Variants in LOC128462377 observed in about 807,000 individuals in gnomAD.
At chr16:89,321,577 C>CGG in the LOC128462377 span, among the ~76,000 whole-genome samples, 1 of 152,020 alleles carries the variant, frequency 6.6e-6, no homozygotes, top group Non-Finnish European at 1.5e-5. Context: ...TGGAGACTCA[C>CGG]GGGTCCCCTC....
the LOC128462377 span, among the ~76,000 whole-genome samples, chr16:89,317,968 G>A: frequency 5.3e-5 from 8 of 152,118 alleles, no homozygotes; most frequent in African/African-American, 9.7e-5. Context: ...ACTAGAAAGT[G>A]TCCCTACAGC....
chr16:89,322,790 C>T, the LOC128462377 span, among the ~76,000 whole-genome samples: 1 of 152,108 alleles, frequency 6.6e-6, no homozygotes. Flanking sequence ...TGAGGTGTGG[C>T]CTGCCTGCAG....
chr16:89,337,978 G>A, the LOC128462377 span, among the ~76,000 whole-genome samples: 54 of 152,308 alleles, frequency 3.5e-4, no homozygotes, highest in East Asian at 2.7e-3. Flanking sequence ...ACTGTCCCAC[G>A]GGTGACAAGC....
the LOC128462377 span, chr16:89,323,345 A>G: frequency 7.8e-7 from 1 of 1,288,602 alleles, no homozygotes; most frequent in Non-Finnish European, 1.0e-6. Flanking sequence ...TATGGAAGAG[A>G]AGCACCACTG....
At chr16:89,375,089 C>A in the LOC128462377 span, among the ~76,000 whole-genome samples, 1 of 151,954 alleles carries the variant, frequency 6.6e-6, no homozygotes, top group African/African-American at 2.4e-5. Flanking sequence ...CGTAAACAAA[C>A]GTAACGTCGC....
chr16:89,385,579 G>A, the LOC128462377 span, among the ~76,000 whole-genome samples: 1 of 152,064 alleles, frequency 6.6e-6, no homozygotes, highest in East Asian at 1.9e-4. Context: ...ACTCTACTGA[G>A]TGAGCAAGAA....
chr16:89,410,135 A>G, the LOC128462377 span, among the ~76,000 whole-genome samples: 1 of 152,170 alleles, frequency 6.6e-6, no homozygotes, highest in South Asian at 2.1e-4. Context: ...CACCGCGTCC[A>G]GCCTCAATCT....
chr16:89,356,865 C>A, the LOC128462377 span, among the ~76,000 whole-genome samples: 1 of 151,316 alleles, frequency 6.6e-6, no homozygotes, highest in African/African-American at 2.4e-5. Flanking sequence ...ACATAATAAA[C>A]AACAAAAGCC....
chr16:89,375,768 T>A, the LOC128462377 span, among the ~76,000 whole-genome samples: 14 of 84,560 alleles, frequency 1.7e-4, no homozygotes, highest in African/African-American at 5.6e-4. Flanking sequence ...CTCCGTCTCT[T>A]AAAAAAAAAA....
chr16:89,324,594 G>A, the LOC128462377 span: 1 of 445,708 alleles, frequency 2.2e-6, no homozygotes, highest in South Asian at 1.6e-5. Context: ...GATCTCATCA[G>A]CTGCCAGCAC....
the LOC128462377 span, among the ~76,000 whole-genome samples, chr16:89,406,130 C>A: frequency 3.5e-5 from 5 of 144,312 alleles, no homozygotes; most frequent in Non-Finnish European, 7.5e-5. Flanking sequence ...AAAAAAAAAA[C>A]CTTCAGCCAG....
At chr16:89,323,294 G>GTGA in the LOC128462377 span, 1 of 1,288,998 alleles carries the variant, frequency 7.8e-7, no homozygotes. Flanking sequence ...AAGCCCTTGA[G>GTGA]TGACACACCC....
At chr16:89,333,634 C>T in the LOC128462377 span, among the ~76,000 whole-genome samples, 2 of 152,136 alleles carry the variant, frequency 1.3e-5, no homozygotes, top group Non-Finnish European at 2.9e-5. Flanking sequence ...TCCTTGGAGA[C>T]GGGCTGCTTT....
the LOC128462377 span, among the ~76,000 whole-genome samples, chr16:89,348,975 A>T: frequency 6.6e-6 from 1 of 151,178 alleles, no homozygotes; most frequent in African/African-American, 2.4e-5. Context: ...TAAAAATACA[A>T]AAACTAGCCA....
chr16:89,337,471 C>T, the LOC128462377 span, among the ~76,000 whole-genome samples: 1 of 107,194 alleles, frequency 9.3e-6, no homozygotes, highest in African/African-American at 3.4e-5. Flanking sequence ...CAGTCTCCCT[C>T]TGTCGCCCAG....
chr16:89,394,366 C>T, the LOC128462377 span, among the ~76,000 whole-genome samples: 2 of 152,214 alleles, frequency 1.3e-5, no homozygotes, highest in Non-Finnish European at 2.9e-5. Flanking sequence ...CAGTGGCTCC[C>T]GCCCGTAATC....
chr16:89,381,354 A>AGCG, the LOC128462377 span, among the ~76,000 whole-genome samples: 20 of 125,338 alleles, frequency 1.6e-4, 1 homozygote, highest in Non-Finnish European at 2.6e-4. Context: ...AAAAAAAAAA[A>AGCG]GGGGTGAGAA....
chr16:89,324,921 T>G, the LOC128462377 span: 1 of 215,508 alleles, frequency 4.6e-6, no homozygotes, highest in South Asian at 6.4e-5. Flanking sequence ...ATATATACAT[T>G]TATCCTATTA....
chr16:89,404,871 T>C, the LOC128462377 span, among the ~76,000 whole-genome samples: 1 of 152,260 alleles, frequency 6.6e-6, no homozygotes, highest in Non-Finnish European at 1.5e-5. Flanking sequence ...TAAATCACAC[T>C]ATTGACTCTT....
Sources: gnomAD v4.1 joint callset for allele counts (sites outside exome capture counted in the v4.1 genomes callset) on GRCh38, gnomAD v4.1.1 for gene constraint, MANE v1.5 for transcripts.